Variants in PTPRD observed in about 807,000 individuals in gnomAD.
The protein encoded by PTPRD is receptor-type tyrosine-protein phosphatase delta.
Under a neutral mutation model 214.5 loss-of-function variants are expected in PTPRD, and 34 were observed. The ratio of observed to expected loss-of-function variants is 0.16; its 90% confidence interval spans 0.12 to 0.21. The LOEUF (loss-of-function observed/expected upper bound fraction) is 0.21, where lower values mean the gene tolerates loss of function less well. Among genes scored for constraint, PTPRD ranks in the 10% least tolerant of loss-of-function variants. The pLI is 1.00. For missense variants in PTPRD, 2,545 were observed against 2,398.7 expected (o/e 1.06, Z -1.27); for synonymous variants, 1,128 against 845.7 (o/e 1.33, Z -5.79).
At chr9:8,342,016 T>A (rs1852885685) in intron 39 of PTPRD, 38 bp from the exon 40 acceptor site, 1 of 1,537,122 alleles carries the variant, frequency 6.5e-7, no homozygotes, top group South Asian at 1.3e-5. Context: ...CAAATAAACC[T>A]ATCAGAAAAT....
intron 5 of PTPRD, among the ~76,000 whole-genome samples, chr9:9,903,734 T>A (rs2076930101): frequency 1.3e-5 from 2 of 152,124 alleles, no homozygotes; most frequent in South Asian, 4.1e-4. Context: ...GGATCAGGGA[T>A]GCCAGGAAAT....
chr9:9,920,584 C>G (rs1388943578), intron 5 of PTPRD, among the ~76,000 whole-genome samples: 1 of 152,110 alleles, frequency 6.6e-6, no homozygotes, highest in East Asian at 1.9e-4. Flanking sequence ...AAATTTGTTA[C>G]GTCCTCTTTA....
intron 3 of PTPRD, among the ~76,000 whole-genome samples, chr9:10,287,669 G>C (rs1420131153): frequency 6.6e-5 from 10 of 152,020 alleles, no homozygotes; most frequent in Non-Finnish European, 1.3e-4. Context: ...TACTGGGCAG[G>C]ATTTTCTTGC....
At chr9:9,044,234 A>T (rs927645542) in intron 10 of PTPRD, among the ~76,000 whole-genome samples, 1 of 152,248 alleles carries the variant, frequency 6.6e-6, no homozygotes, top group African/African-American at 2.4e-5. Flanking sequence ...AAGGCTAAAT[A>T]TCATCTGAAA....
chr9:10,336,366 A>C (rs2096843495), intron 3 of PTPRD, among the ~76,000 whole-genome samples: 1 of 151,622 alleles, frequency 6.6e-6, no homozygotes, highest in Non-Finnish European at 1.5e-5. Flanking sequence ...GTGGCTCCTA[A>C]AGTGACTACC....
intron 2 of PTPRD, among the ~76,000 whole-genome samples, chr9:10,556,568 T>G (rs1025836173): frequency 1.3e-5 from 2 of 152,116 alleles, no homozygotes; most frequent in African/African-American, 4.8e-5. Flanking sequence ...AAGTCCTTAA[T>G]AATTGTTACT....
intron 5 of PTPRD, among the ~76,000 whole-genome samples, chr9:9,927,252 A>G (rs1319739546): frequency 6.6e-6 from 1 of 152,180 alleles, no homozygotes; most frequent in African/African-American, 2.4e-5. Context: ...CATGAAATAA[A>G]GAACTCTTCG....
intron 4 of PTPRD, among the ~76,000 whole-genome samples, chr9:9,994,938 T>C (rs2096070539): frequency 6.6e-6 from 1 of 152,136 alleles, no homozygotes; most frequent in Non-Finnish European, 1.5e-5. Flanking sequence ...CTATATTCAC[T>C]GTATTTTAAA....
chr9:9,174,501 C>A (rs2099923405), intron 10 of PTPRD, among the ~76,000 whole-genome samples: 1 of 152,014 alleles, frequency 6.6e-6, no homozygotes, highest in African/African-American at 2.4e-5. Context: ...CATTTATCTG[C>A]CTTAAGGGTT....
chr9:8,677,626 A>G (rs1274974653), intron 12 of PTPRD, among the ~76,000 whole-genome samples: 1 of 152,208 alleles, frequency 6.6e-6, no homozygotes, highest in African/African-American at 2.4e-5. Flanking sequence ...CAATTTATCT[A>G]TATAGAACCA....
At chr9:8,528,060 G>T in intron 15 of PTPRD, 1 of 187,552 alleles carries the variant, frequency 5.3e-6, no homozygotes, top group Non-Finnish European at 1.1e-5. Flanking sequence ...TGAAAAGAAA[G>T]CAGATGTGCC....
intron 8 of PTPRD, among the ~76,000 whole-genome samples, chr9:9,469,368 G>T (rs987761449): frequency 9.9e-5 from 15 of 152,122 alleles, no homozygotes; most frequent in Admixed American, 5.9e-4. Flanking sequence ...TAAGGATAAA[G>T]CTGGCAATGT....
intron 4 of PTPRD, among the ~76,000 whole-genome samples, chr9:10,007,615 T>C (rs2096511178): frequency 6.6e-6 from 1 of 152,028 alleles, no homozygotes; most frequent in Non-Finnish European, 1.5e-5. Flanking sequence ...TGTTTATCTC[T>C]TCCACATCAA....
At chr9:9,695,501 C>T (rs934434063) in intron 7 of PTPRD, among the ~76,000 whole-genome samples, 1 of 152,120 alleles carries the variant, frequency 6.6e-6, no homozygotes, top group African/African-American at 2.4e-5. Flanking sequence ...CTCAGCCTAG[C>T]ACTAGGAATT....
chr9:8,491,508 T>C (rs540407559), intron 27 of PTPRD, among the ~76,000 whole-genome samples: 2 of 152,230 alleles, frequency 1.3e-5, no homozygotes, highest in Admixed American at 6.5e-5. Flanking sequence ...GTAAATAAAA[T>C]GTATTTTCTT....
intron 9 of PTPRD, among the ~76,000 whole-genome samples, chr9:9,389,180 A>G (rs1051763798): frequency 6.6e-6 from 1 of 152,188 alleles, no homozygotes; most frequent in Non-Finnish European, 1.5e-5. Context: ...ATCTAGCAGC[A>G]TACTGCTTAA....
intron 3 of PTPRD, among the ~76,000 whole-genome samples, chr9:10,158,558 T>C (rs954631545): frequency 1.3e-5 from 2 of 152,140 alleles, no homozygotes; most frequent in African/African-American, 4.8e-5. Flanking sequence ...CAGAAACAAA[T>C]ACATAATGCT....
At chr9:8,328,146 T>G (rs1563956519) in intron 44 of PTPRD, among the ~76,000 whole-genome samples, 1 of 152,192 alleles carries the variant, frequency 6.6e-6, no homozygotes, top group Non-Finnish European at 1.5e-5. Context: ...GTTTTTGCAG[T>G]GGCTGGTACC....
chr9:10,044,538 C>T (rs1433215582), intron 3 of PTPRD, among the ~76,000 whole-genome samples: 1 of 151,748 alleles, frequency 6.6e-6, no homozygotes, highest in Non-Finnish European at 1.5e-5. Flanking sequence ...TACAGGGAAT[C>T]TAGATTTGAG....
Sources: gnomAD v4.1 joint callset for allele counts (sites outside exome capture counted in the v4.1 genomes callset) on GRCh38, gnomAD v4.1.1 for gene constraint, MANE v1.5 for transcripts, NCBI Gene and HGNC (gene_info 2026-07-23, HGNC 2026-07-21) for gene names.